Variants in GRM8 observed in about 807,000 individuals in gnomAD.
The protein encoded by GRM8 is metabotropic glutamate receptor 8.
Under a neutral mutation model 87.2 loss-of-function variants are expected in GRM8, and 47 were observed. That is an observed-to-expected ratio of 0.54 (90% CI 0.43 to 0.69). The LOEUF (loss-of-function observed/expected upper bound fraction) is 0.69. Among genes scored for constraint, GRM8 ranks in the 30% least tolerant of loss-of-function variants. The probability of loss-of-function intolerance (pLI) is 0.00; values close to 1 mark genes in which losing one functional copy is unlikely to be tolerated. For missense variants in GRM8, 1,019 were observed against 1,139.2 expected, an observed-to-expected ratio of 0.89 and a Z score of 1.52; for synonymous variants, 396 against 404.5, an observed-to-expected ratio of 0.98 and a Z score of 0.25.
At chr7:126,487,956 T>C (rs1194620463) in intron 9 of GRM8, among the ~76,000 whole-genome samples, 1 of 152,028 alleles carries the variant, frequency 6.6e-6, no homozygotes, top group African/African-American at 2.4e-5. Flanking sequence ...AACATAATTA[T>C]CTGTCAGTCA....
chr7:126,848,936 G>A (rs1447610597), intron 6 of GRM8, among the ~76,000 whole-genome samples: 3 of 152,170 alleles, frequency 2.0e-5, no homozygotes, highest in Admixed American at 1.3e-4. Context: ...CAATCATGGT[G>A]GAAGGCAAGG....
Position 127,147,940 on chromosome 7 carries a change from A to G in GRM8, c.511-41228T>C, listed in dbSNP as rs141128846. Among the ~76,000 whole-genome samples, 710 of 152,124 alleles carry G rather than the reference A, an allele frequency of 4.7e-3. 6 individuals carry two copies. The highest frequency in any genetic ancestry group is 0.016 in the African/African-American group (667 of 41,522). ...CCTATCTACTATTGCCCATCTTCGA[A>G]CTCAACTCTTCAACACATTAATGTG... On this transcript the variant is annotated intron_variant, in intron 2 of 10. Coordinates refer to ENST00000339582, the MANE Select transcript of GRM8 (RefSeq NM_000845.3).
intron 8 of GRM8, among the ~76,000 whole-genome samples, chr7:126,579,314 G>A (rs1010565307): frequency 1.3e-5 from 2 of 152,024 alleles, no homozygotes; most frequent in Non-Finnish European, 2.9e-5. Context: ...AATGACTATG[G>A]CTCCCATAAA....
intron 3 of GRM8, among the ~76,000 whole-genome samples, chr7:127,051,952 T>C (rs1171575450): frequency 1.3e-5 from 2 of 152,150 alleles, no homozygotes; most frequent in African/African-American, 4.8e-5. Flanking sequence ...CATGGGGCTT[T>C]ACCCATTTTA....
At chr7:127,090,263 T>G (rs1234920275) in intron 3 of GRM8, among the ~76,000 whole-genome samples, 1 of 152,220 alleles carries the variant, frequency 6.6e-6, no homozygotes, top group Non-Finnish European at 1.5e-5. Context: ...TTTTACCAGA[T>G]CTGTAAATTC....
At chr7:126,870,885 G>A (rs1343569850) in intron 6 of GRM8, among the ~76,000 whole-genome samples, 1 of 152,106 alleles carries the variant, frequency 6.6e-6, no homozygotes, top group African/African-American at 2.4e-5. Context: ...TGTAAAAAAT[G>A]CAAAAACTGC....
intron 2 of GRM8, among the ~76,000 whole-genome samples, chr7:127,121,476 C>T (rs1056455141): frequency 6.6e-6 from 1 of 152,148 alleles, no homozygotes; most frequent in Non-Finnish European, 1.5e-5. Flanking sequence ...TTTTAACAGC[C>T]CACAGGGGCT....
At chr7:126,696,421 C>G (rs754462681) in intron 7 of GRM8, among the ~76,000 whole-genome samples, 10 of 151,960 alleles carry the variant, frequency 6.6e-5, no homozygotes, top group Non-Finnish European at 1.3e-4. Context: ...TGTGTTGTTC[C>G]CCTCCCTGTA....
At chr7:126,561,445 G>T (rs531879872) in intron 8 of GRM8, among the ~76,000 whole-genome samples, 1 of 151,542 alleles carries the variant, frequency 6.6e-6, no homozygotes, top group Non-Finnish European at 1.5e-5. Context: ...CTCCAGCCTG[G>T]GCAACAGAGT....
chr7:126,994,979 T>C (rs1813038178), intron 3 of GRM8, among the ~76,000 whole-genome samples: 2 of 151,774 alleles, frequency 1.3e-5, no homozygotes, highest in South Asian at 2.1e-4. Flanking sequence ...CCTGGGATAG[T>C]CCCAGTGGTG....
At chr7:126,461,898 T>C (rs1304090274) in intron 9 of GRM8, among the ~76,000 whole-genome samples, 3 of 151,666 alleles carry the variant, frequency 2.0e-5, no homozygotes, top group African/African-American at 7.2e-5. Flanking sequence ...ATTTCATTTT[T>C]CCCTTAGAAT....
intron 2 of GRM8, among the ~76,000 whole-genome samples, chr7:127,226,308 A>G (rs553612830): frequency 2.0e-5 from 3 of 152,324 alleles, no homozygotes; most frequent in Non-Finnish European, 2.9e-5. Context: ...TTGACAAAAA[A>G]CAGATTCCAA....
intron 7 of GRM8, among the ~76,000 whole-genome samples, chr7:126,707,606 C>CA (rs1266354472): frequency 6.6e-6 from 1 of 152,066 alleles, no homozygotes; most frequent in Non-Finnish European, 1.5e-5. Flanking sequence ...ATAGAGAACC[C>CA]AGAAATAAAC....
At chr7:127,009,951 C>A (rs1178983131) in intron 3 of GRM8, among the ~76,000 whole-genome samples, 2 of 151,968 alleles carry the variant, frequency 1.3e-5, no homozygotes, top group East Asian at 3.9e-4. Flanking sequence ...TCAAGGATCC[C>A]CCTGCCTCAG....
At chr7:126,873,671 G>A (rs958180268) in intron 6 of GRM8, among the ~76,000 whole-genome samples, 1 of 152,034 alleles carries the variant, frequency 6.6e-6, no homozygotes, top group Admixed American at 6.6e-5. Context: ...GTAATTGAGG[G>A]TGAATAAGCC....
At position 127,243,021 on chromosome 7, in the gene GRM8, C is replaced by A; in HGVS notation, c.184G>T (p.Val62Leu). The A allele has an allele frequency of 6.2e-7, 1 of 1,613,940 alleles. No homozygotes were observed. Residue 62 changes from valine to leucine, a missense_variant, in exon 2 of 11, where the codon GTG becomes TTG. Val to Leu is a conservative substitution (Grantham distance 32). Coordinates refer to ENST00000339582, the MANE Select transcript of GRM8 (RefSeq NM_000845.3). ...FPVHAKGERG[V>L]PCGELKKEKG... ...TCCTTCTTCAGCTCCCCACAAGGCA[C>A]CCCTCTCTCTCCCTTTGCGTGGACA...
chr7:126,580,706 A>G (rs1283253831), intron 8 of GRM8, among the ~76,000 whole-genome samples: 1 of 152,170 alleles, frequency 6.6e-6, no homozygotes, highest in African/African-American at 2.4e-5. Flanking sequence ...TAAAATGGTC[A>G]TTCAAAGAGT....
intron 7 of GRM8, among the ~76,000 whole-genome samples, chr7:126,741,479 A>G (rs1332277570): frequency 6.6e-6 from 1 of 152,100 alleles, no homozygotes; most frequent in African/African-American, 2.4e-5. Context: ...AGAATTTTGT[A>G]AGCATCAGTT....
intron 3 of GRM8, among the ~76,000 whole-genome samples, chr7:127,076,593 A>G (rs142126748): frequency 4.6e-5 from 7 of 152,248 alleles, no homozygotes; most frequent in Middle Eastern, 3.4e-3. Context: ...GTTTCCTCCA[A>G]TGACGACACC....
Sources: gnomAD v4.1 joint callset for allele counts (sites outside exome capture counted in the v4.1 genomes callset) on GRCh38, gnomAD v4.1.1 for gene constraint, MANE v1.5 for transcripts, NCBI Gene and HGNC (gene_info 2026-07-23, HGNC 2026-07-21) for gene names.